ZNF438: variants seen among roughly 807,000 people sequenced by gnomAD.
ZNF438 encodes zinc finger protein 438.
A neutral mutation model predicts 38.0 loss-of-function variants in ZNF438; 25 were observed. The ratio of observed to expected loss-of-function variants is 0.66; its 90% CI spans 0.48 to 0.92. ZNF438 has a LOEUF of 0.92. Among genes scored for constraint, ZNF438 ranks in the 40% least tolerant of loss-of-function variants. ZNF438 has a pLI of 0.00. For synonymous variants in ZNF438, 372 were observed against 364.1 expected (o/e 1.02, Z -0.25); for missense variants, 1,007 against 999.6 (o/e 1.01, Z -0.10).
chr10:30,928,064 T>C (rs2045171887), intron 2 of ZNF438, among the ~76,000 whole-genome samples: 2 of 152,322 alleles, frequency 1.3e-5, no homozygotes, highest in South Asian at 2.1e-4. Flanking sequence ...AACCTTTTTT[T>C]CAGTGGGAAA....
intron 1 of ZNF438, among the ~76,000 whole-genome samples, chr10:30,970,983 A>G (rs910176962): frequency 6.6e-6 from 1 of 152,160 alleles, no homozygotes; most frequent in Non-Finnish European, 1.5e-5. Context: ...CAGACACCCG[A>G]CTCTGGGGAC....
At chr10:30,880,303 T>A (rs2039041396) in intron 3 of ZNF438, among the ~76,000 whole-genome samples, 2 of 151,556 alleles carry the variant, frequency 1.3e-5, no homozygotes, top group South Asian at 4.2e-4. Flanking sequence ...TGGTGGTGCA[T>A]GCCTGTAATT....
chr10:30,849,197 T>C (rs1163844012), exon 5 of ZNF438: 6 of 1,613,998 alleles, frequency 3.7e-6, no homozygotes, highest in Non-Finnish European at 5.1e-6. Context: ...ATTAATGATA[T>C]ATTTCCTCCT....
At chr10:30,959,524 G>T (rs1173860883) in intron 1 of ZNF438, among the ~76,000 whole-genome samples, 2 of 143,464 alleles carry the variant, frequency 1.4e-5, no homozygotes, top group Admixed American at 1.4e-4. Context: ...GGATCACGAG[G>T]TCAGGAGATT....
chr10:30,849,887 G>T, exon 5 of ZNF438: 4 of 1,614,144 alleles, frequency 2.5e-6, no homozygotes, highest in Non-Finnish European at 3.4e-6. Context: ...AAATGGACTG[G>T]GTTTGTACAG....
chr10:30,849,472 A>T (rs1377008559), exon 5 of ZNF438: 3 of 1,614,230 alleles, frequency 1.9e-6, no homozygotes, highest in African/African-American at 1.3e-5. Flanking sequence ...CAATGTTAGC[A>T]TCTGATTTGA....
At chr10:30,877,581 C>A (rs1304379014) in intron 3 of ZNF438, among the ~76,000 whole-genome samples, 2 of 152,054 alleles carry the variant, frequency 1.3e-5, no homozygotes, top group South Asian at 4.2e-4. Flanking sequence ...TGGACACCAG[C>A]ATTACAAATA....
intron 2 of ZNF438, among the ~76,000 whole-genome samples, chr10:30,937,977 G>A (rs2046424168): frequency 6.6e-6 from 1 of 152,174 alleles, no homozygotes; most frequent in Non-Finnish European, 1.5e-5. Context: ...TTCAACCCTG[G>A]ATGATATCAG....
Position 31,008,612 on chromosome 10 carries a change from T to A in ZNF438, c.-192+23221A>T, listed in dbSNP as rs2055373239. Among the ~76,000 whole-genome samples, 3 of 152,358 alleles carry A rather than the reference T, an allele frequency of 2.0e-5. 1 individual carries two copies. In the South Asian group the frequency reaches 6.2e-4, roughly 32 times the overall value. ...AGCATGTGTCAGTACTTTATTCCTT[T>A]ATGCTTTTAATGCTGAATAATATTC... On this transcript the variant is annotated intron_variant, in intron 1 of 5. Transcript: ENST00000413025.
intron 1 of ZNF438, among the ~76,000 whole-genome samples, chr10:30,963,048 A>AAAAATAGG (rs2049676979): frequency 6.6e-6 from 1 of 152,220 alleles, no homozygotes; most frequent in Non-Finnish European, 1.5e-5. Context: ...TTACAAAACA[A>AAAAATAGG]AAAATAGGAC....
intron 1 of ZNF438, among the ~76,000 whole-genome samples, chr10:30,955,775 AT>A: frequency 6.6e-6 from 1 of 152,348 alleles, no homozygotes; most frequent in South Asian, 2.1e-4. Context: ...GGGGCATTTT[AT>A]TAGGTAGTAA....
intron 1 of ZNF438, among the ~76,000 whole-genome samples, chr10:30,946,706 TTTAAAC>T (rs1429126275): frequency 6.6e-6 from 1 of 152,264 alleles, no homozygotes; most frequent in Non-Finnish European, 1.5e-5. Flanking sequence ...ATTTAGATCA[TTTAAAC>T]TTAATGTAAT....
rs543015299 is a variant in ZNF438 at position 30,956,485 on chromosome 10, G to GTACCA, written c.-191-14839_-191-14835dup. 1.1e-3 allele frequency among the ~76,000 whole-genome samples: 170 copies of GTACCA among 152,250 alleles called. 1 individual carries two copies. The highest frequency in any genetic ancestry group is 6.8e-3 in the Middle Eastern group (2 of 292). On this transcript the variant is annotated intron_variant, in intron 1 of 5. Transcript: ENST00000413025. Reference sequence around the variant, plus strand: ...TATTATTAACTAAAGTCACCCTACTGTACCATAGAACACCAGAACTTATTC... The same window carrying GTACCA: ...TATTATTAACTAAAGTCACCCTACTGTACCATACCATAGAACACCAGAACTTATTC...
chr10:31,014,672 C>A (rs2056032863), intron 1 of ZNF438, among the ~76,000 whole-genome samples: 1 of 152,136 alleles, frequency 6.6e-6, no homozygotes. Context: ...TGAAGGTACC[C>A]AACCTCCCAG....
At chr10:30,888,373 T>C (rs1233100334) in intron 3 of ZNF438, among the ~76,000 whole-genome samples, 1 of 42,484 alleles carries the variant, frequency 2.4e-5, no homozygotes, top group Non-Finnish European at 5.1e-5. Context: ...ACACACACAT[T>C]TAGCTTTTAT....
chr10:30,987,245 G>A lies in ZNF438; in HGVS notation c.-192+44588C>T, dbSNP rs115188037. Among the ~76,000 whole-genome samples the A allele has an allele frequency of 3.9e-3, 600 of 151,934 alleles. 7 individuals are homozygous for A. Among genetic ancestry groups the A allele is most frequent in the African/African-American group, 0.014 (561 of 41,444 alleles). On this transcript the variant is annotated intron_variant, in intron 1 of 5. Coordinates refer to ENST00000413025, the Ensembl canonical transcript of ZNF438. ...CGAGATGGGAGGATTGCTTGAGCTTGGGTGGTCAAGGCTGAAGTAAGCTGT... is the reference window on the plus strand; with the variant it reads ...CGAGATGGGAGGATTGCTTGAGCTTAGGTGGTCAAGGCTGAAGTAAGCTGT...
At chr10:30,977,166 C>T (rs1380952509) in intron 1 of ZNF438, among the ~76,000 whole-genome samples, 4 of 152,138 alleles carry the variant, frequency 2.6e-5, no homozygotes, top group Admixed American at 2.6e-4. Flanking sequence ...AAAAGGAACT[C>T]TTGGCATGTA....
chr10:30,912,084 C>T (rs1432883202), intron 2 of ZNF438, among the ~76,000 whole-genome samples: 1 of 152,114 alleles, frequency 6.6e-6, no homozygotes, highest in African/African-American at 2.4e-5. Context: ...AACAGCAAAA[C>T]AAAACCATTT....
At chr10:30,892,241 A>C (rs2040784138) in intron 3 of ZNF438, among the ~76,000 whole-genome samples, 1 of 152,088 alleles carries the variant, frequency 6.6e-6, no homozygotes, top group African/African-American at 2.4e-5. Flanking sequence ...TATATACTGT[A>C]TTTTTTCCTA....
Sources: gnomAD v4.1 joint callset for allele counts (sites outside exome capture counted in the v4.1 genomes callset) on GRCh38, gnomAD v4.1.1 for gene constraint, MANE v1.5 for transcripts, NCBI Gene and HGNC (gene_info 2026-07-23, HGNC 2026-07-21) for gene names.